Variants in PDE12 observed in about 807,000 individuals in gnomAD.
PDE12 encodes the protein 2',5'-phosphodiesterase 12.
In PDE12, 26 loss-of-function variants were observed where a neutral mutation model predicts 45.4. The ratio of observed to expected loss-of-function variants is 0.57; its 90% CI spans 0.42 to 0.79. The LOEUF is 0.79. Ranked by LOEUF, PDE12 falls within the 30% of genes least tolerant of loss-of-function variation. The pLI is 0.00. For synonymous variants in PDE12, 283 were observed against 323.9 expected (o/e 0.87, Z 1.36); for missense variants, 668 against 790.0 (o/e 0.85, Z 1.85).
At chr3:57,612,554 C>T in the PDE12 span, among the ~76,000 whole-genome samples, 1 of 152,010 alleles carries the variant, frequency 6.6e-6, no homozygotes, top group Non-Finnish European at 1.5e-5. Flanking sequence ...GGGCGGATCA[C>T]AAAGCCAGGA....
chr3:57,605,734 G>C, the PDE12 span, among the ~76,000 whole-genome samples: 1 of 152,060 alleles, frequency 6.6e-6, no homozygotes, highest in Admixed American at 6.6e-5. Context: ...CATCATGAGA[G>C]TAATTGATCA....
the PDE12 span, among the ~76,000 whole-genome samples, chr3:57,574,856 C>CT: frequency 2.0e-5 from 3 of 150,946 alleles, no homozygotes; most frequent in South Asian, 2.1e-4. Context: ...CCCATCTCCA[C>CT]TTTTTTTTTG....
the PDE12 span, chr3:57,631,217 G>C: frequency 4.3e-6 from 2 of 462,002 alleles, no homozygotes; most frequent in Non-Finnish European, 7.7e-6. Context: ...TCTTTTTTGA[G>C]ACAGAGCCTT....
chr3:57,645,547 CA>C, the PDE12 span: 1 of 679,892 alleles, frequency 1.5e-6, no homozygotes, highest in African/African-American at 1.9e-5. Context: ...AGCAGCTCCT[CA>C]AACTTTCCTT....
the PDE12 span, among the ~76,000 whole-genome samples, chr3:57,632,021 C>CTTTTT: frequency 1.0e-5 from 1 of 96,024 alleles, no homozygotes; most frequent in Non-Finnish European, 2.1e-5. Flanking sequence ...CGCGCCCGGC[C>CTTTTT]TTTTTTTTTT....
the PDE12 span, among the ~76,000 whole-genome samples, chr3:57,644,307 C>CA: frequency 6.6e-6 from 1 of 151,766 alleles, no homozygotes; most frequent in Non-Finnish European, 1.5e-5. Context: ...TAGAGATTTA[C>CA]AAAAAAATTT....
the PDE12 span, among the ~76,000 whole-genome samples, chr3:57,609,569 A>G: frequency 7.6e-4 from 115 of 152,232 alleles, no homozygotes; most frequent in Non-Finnish European, 1.2e-3. Flanking sequence ...CCAATCCCAC[A>G]GAAATACAAA....
chr3:57,572,667 C>T, the PDE12 span, among the ~76,000 whole-genome samples: 2 of 152,130 alleles, frequency 1.3e-5, no homozygotes, highest in African/African-American at 4.8e-5. Context: ...CAGAGTGAGA[C>T]TCCGTCTCAA....
the PDE12 span, chr3:57,600,166 A>G: frequency 6.6e-6 from 1 of 152,076 alleles, no homozygotes; most frequent in African/African-American, 2.4e-5. Flanking sequence ...AGCTGGGACT[A>G]CAGGTACACC....
the PDE12 span, among the ~76,000 whole-genome samples, chr3:57,581,937 T>A: frequency 6.6e-6 from 1 of 152,346 alleles, no homozygotes; most frequent in South Asian, 2.1e-4. Context: ...GGTGTACAGA[T>A]TGAGTTTCCT....
the PDE12 span, among the ~76,000 whole-genome samples, chr3:57,651,012 G>C: frequency 6.6e-6 from 1 of 152,024 alleles, no homozygotes; most frequent in Non-Finnish European, 1.5e-5. Context: ...TCGAACTCCC[G>C]ATCTCAGATG....
chr3:57,616,487 G>GGAGGAAGAGGAGGAGGAA, the PDE12 span, among the ~76,000 whole-genome samples: 101 of 151,548 alleles, frequency 6.7e-4, 2 homozygotes, highest in African/African-American at 2.4e-3. Flanking sequence ...GAAGAAAGAA[G>GGAGGAAGAGGAGGAGGAA]GAGGAAGAGG....
chr3:57,649,668 G>T, the PDE12 span, among the ~76,000 whole-genome samples: 1 of 150,234 alleles, frequency 6.7e-6, no homozygotes, highest in Admixed American at 6.7e-5. Flanking sequence ...TTGTATGTGT[G>T]TATATATATA....
the PDE12 span, among the ~76,000 whole-genome samples, chr3:57,624,119 C>T: frequency 6.6e-6 from 1 of 151,916 alleles, no homozygotes; most frequent in South Asian, 2.1e-4. Flanking sequence ...TCCCAAGTAG[C>T]TGGGACCACA....
At chr3:57,629,796 A>G in the PDE12 span, among the ~76,000 whole-genome samples, 12 of 151,682 alleles carry the variant, frequency 7.9e-5, no homozygotes, top group Non-Finnish European at 1.6e-4. Flanking sequence ...TGCTGGGATT[A>G]CAGGCGTGAG....
chr3:57,578,754 C>T, the PDE12 span, among the ~76,000 whole-genome samples: 9 of 152,064 alleles, frequency 5.9e-5, no homozygotes, highest in East Asian at 1.7e-3. Context: ...GTTGGGATTA[C>T]AGGCATGAGC....
Position 57,560,906 on chromosome 3 carries a change from A to G in PDE12, c.*902A>G, listed in dbSNP as rs1321873760. On this transcript the variant is annotated 3_prime_UTR_variant, in exon 3 of 3. Coordinates refer to ENST00000311180, the MANE Select transcript of PDE12 (RefSeq NM_177966.7). ...TTTACTACAATTTCAGAGCTTTAACAAAAGATAAAAATAAATCGTCACCAA... is the reference window on the plus strand; with the variant it reads ...TTTACTACAATTTCAGAGCTTTAACGAAAGATAAAAATAAATCGTCACCAA... The G allele has an allele frequency of 4.1e-6, 4 of 984,948 alleles. No homozygotes were observed. In the African/African-American group the frequency reaches 7.0e-5, roughly 17 times the overall value. The allele number at this position is 984,948 out of a possible 1,614,324, so 61.0% of individuals were successfully genotyped here. A position where few individuals can be genotyped will look rare whatever the true frequency, so the allele number is the denominator to read the frequency against.
chr3:57,621,751 T>C, the PDE12 span, among the ~76,000 whole-genome samples: 5 of 147,496 alleles, frequency 3.4e-5, no homozygotes, highest in Admixed American at 6.8e-5. Flanking sequence ...AATTCATAAG[T>C]AGAACTAAAT....
At chr3:57,585,655 T>C in the PDE12 span, among the ~76,000 whole-genome samples, 3 of 135,034 alleles carry the variant, frequency 2.2e-5, no homozygotes, top group African/African-American at 5.7e-5. Context: ...ATATAAGTAA[T>C]ATCTAAATTC....
Sources: allele counts gnomAD v4.1 joint callset (sites outside exome capture counted in the v4.1 genomes callset), GRCh38; gene constraint gnomAD v4.1.1; transcripts MANE v1.5; gene names NCBI Gene and HGNC (gene_info 2026-07-23, HGNC 2026-07-21).